The following SH3KBP1 variants were observed in gnomAD, a reference collection of about 807,000 sequenced individuals.
SH3KBP1 encodes SH3 domain containing kinase binding protein 1.
SH3KBP1 carries 8 observed loss-of-function variants against 50.1 expected under a neutral mutation model. That is an observed-to-expected ratio of 0.16 (90% CI 0.09 to 0.29). SH3KBP1 has a LOEUF of 0.29. Ranked by LOEUF, SH3KBP1 falls within the 10% of genes least tolerant of loss-of-function variation. SH3KBP1 has a pLI of 1.00. For missense variants in SH3KBP1, 377 were observed against 535.2 expected (o/e 0.70, Z 2.92); for synonymous variants, 227 against 218.6 (o/e 1.04, Z -0.34).
At chrX:19,817,632 T>G (rs1364515996) in intron 2 of SH3KBP1, among the ~76,000 whole-genome samples, 1 of 111,983 alleles carries the variant, frequency 8.9e-6, no homozygotes, top group Non-Finnish European at 1.9e-5. Context: ...TATATTTATA[T>G]ATGGTTTTGT....
chrX:19,800,593 G>A (rs1236055517), intron 2 of SH3KBP1, among the ~76,000 whole-genome samples: 1 of 112,184 alleles, frequency 8.9e-6, no homozygotes, highest in African/African-American at 3.2e-5. Flanking sequence ...TCCCACATAT[G>A]TTAGTGTTAC....
intron 12 of SH3KBP1, among the ~76,000 whole-genome samples, chrX:19,577,554 C>G (rs5955818): frequency 0.31 from 33,821 of 110,245 alleles, 5,230 homozygotes; most frequent in African/African-American, 0.61. Context: ...GCACAGACGG[C>G]AATGTGGAAG....
At chrX:19,595,371 A>G (rs773652925) in intron 9 of SH3KBP1, among the ~76,000 whole-genome samples, 26 of 112,528 alleles carry the variant, frequency 2.3e-4, no homozygotes, top group African/African-American at 8.4e-4. Context: ...CATGCATTCG[A>G]AAAGAGTCAC....
rs762451425 is a variant in SH3KBP1, at chrX:19,751,176, A to G, written c.163-4735T>C. Reference sequence around the variant, plus strand: ...TTGAAGTCCCTTATTATCCATCCACATAGAAGAGCTCCTTCCTGCAGAGGA... The same window carrying G: ...TTGAAGTCCCTTATTATCCATCCACGTAGAAGAGCTCCTTCCTGCAGAGGA... On this transcript the variant is annotated intron_variant, in intron 2 of 17. Transcript: ENST00000397821. Among the ~76,000 whole-genome samples the G allele has an allele frequency of 2.0e-4, 22 of 112,349 alleles. No individual in the cohort carries two copies. The South Asian group carries it at 8.1e-3, about 41-fold the overall frequency.
intron 3 of SH3KBP1, among the ~76,000 whole-genome samples, chrX:19,717,278 T>C (rs188194263): frequency 1.4e-3 from 157 of 112,107 alleles, no homozygotes; most frequent in Non-Finnish European, 2.2e-3. Flanking sequence ...AGTGTCTGTT[T>C]GAGTAGACAC....
chrX:19,554,262 TATATTAAAATATATATC>T (rs1160875221), intron 13 of SH3KBP1, among the ~76,000 whole-genome samples: 1 of 84,354 alleles, frequency 1.2e-5, no homozygotes, highest in East Asian at 3.3e-4. Context: ...ATATATTATA[TATATTAAAATATATATC>T]ATATTAAAAT....
At chrX:19,835,652 C>G (rs2068039984) in intron 2 of SH3KBP1, among the ~76,000 whole-genome samples, 1 of 107,883 alleles carries the variant, frequency 9.3e-6, no homozygotes, top group South Asian at 4.1e-4. Flanking sequence ...AATCTCAGCT[C>G]ACTGCAACCT....
intron 16 of SH3KBP1, among the ~76,000 whole-genome samples, chrX:19,539,254 C>T (rs750364520): frequency 8.9e-6 from 1 of 112,046 alleles, no homozygotes; most frequent in Non-Finnish European, 1.9e-5. Flanking sequence ...ACAAAGATGC[C>T]TGAGACACCA....
intron 4 of SH3KBP1, among the ~76,000 whole-genome samples, chrX:19,697,688 G>C (rs987402897): frequency 1.8e-5 from 2 of 112,070 alleles, no homozygotes; most frequent in African/African-American, 6.5e-5. Context: ...AGCTCACTGA[G>C]ATCTGGGGTG....
intron 2 of SH3KBP1, among the ~76,000 whole-genome samples, chrX:19,762,064 G>A (rs1437287830): frequency 1.8e-5 from 2 of 112,216 alleles, no homozygotes; most frequent in East Asian, 2.8e-4. Flanking sequence ...CTGCCTTTGC[G>A]AAAATTAAAA....
chrX:19,789,914 T>G (rs1184853565), intron 2 of SH3KBP1, among the ~76,000 whole-genome samples: 2 of 109,796 alleles, frequency 1.8e-5, no homozygotes, highest in Non-Finnish European at 3.8e-5. Flanking sequence ...AATAACAGCT[T>G]TTTGGTTTGT....
At chrX:19,745,446 C>T (rs1361506650) in intron 3 of SH3KBP1, among the ~76,000 whole-genome samples, 1 of 112,242 alleles carries the variant, frequency 8.9e-6, no homozygotes, top group Non-Finnish European at 1.9e-5. Context: ...AGCTGTTCTT[C>T]CTCCCCATGG....
intron 1 of SH3KBP1, among the ~76,000 whole-genome samples, chrX:19,882,203 G>C (rs2069453115): frequency 9.0e-6 from 1 of 111,665 alleles, no homozygotes; most frequent in Non-Finnish European, 1.9e-5. Context: ...AGAGAAACCA[G>C]GAAACGTCAG....
chrX:19,839,574 T>C lies in SH3KBP1; in HGVS notation c.5-3292A>G, dbSNP rs1334330954. On this transcript the variant is annotated intron_variant, in intron 1 of 17. Coordinates refer to ENST00000397821, the MANE Select transcript of SH3KBP1 (RefSeq NM_031892.3). ...CTGACTTCAAATGTTCTGCCTGCCT[T>C]GGCCTCCCAAAGTGCTGGGATTACA... Among the ~76,000 whole-genome samples the C allele has an allele frequency of 2.7e-5, 3 of 112,284 alleles. No homozygotes were observed. The Admixed American group carries it at 2.8e-4, about 11-fold the overall frequency.
chrX:19,721,042 G>A (rs2064046406), intron 3 of SH3KBP1, among the ~76,000 whole-genome samples: 1 of 111,095 alleles, frequency 9.0e-6, no homozygotes, highest in Non-Finnish European at 1.9e-5. Context: ...TTCATTGCAG[G>A]TAGTCATAAT....
At chrX:19,621,262 T>G (rs1602694396) in intron 8 of SH3KBP1, among the ~76,000 whole-genome samples, 1 of 56,111 alleles carries the variant, frequency 1.8e-5, no homozygotes, top group Non-Finnish European at 3.5e-5. Context: ...TTTTTTTTTT[T>G]GTATTTTTAG....
At chrX:19,546,532 T>C (rs141099791) in intron 14 of SH3KBP1, among the ~76,000 whole-genome samples, 1,456 of 111,992 alleles carry the variant, frequency 0.013, 8 homozygotes, top group Middle Eastern at 0.023. Context: ...ACCTTTTCCA[T>C]GATCACTAAA....
At chrX:19,572,524 A>ACT (rs771313565) in intron 12 of SH3KBP1, among the ~76,000 whole-genome samples, 33 of 104,318 alleles carry the variant, frequency 3.2e-4, no homozygotes, top group Non-Finnish European at 4.3e-4. Context: ...ACATATATGT[A>ACT]CTCTCTCTCT....
At chrX:19,840,189 G>T (rs2068183045) in intron 1 of SH3KBP1, among the ~76,000 whole-genome samples, 1 of 111,553 alleles carries the variant, frequency 9.0e-6, no homozygotes, top group South Asian at 3.7e-4. Context: ...CACTCTAAGG[G>T]CTCTTTCCAG....
Sources: gnomAD v4.1 joint callset for allele counts (sites outside exome capture counted in the v4.1 genomes callset) on GRCh38, gnomAD v4.1.1 for gene constraint, MANE v1.5 for transcripts, NCBI Gene and HGNC (gene_info 2026-07-23, HGNC 2026-07-21) for gene names.